CUEDC1: variants seen among roughly 807,000 people sequenced by gnomAD.
CUEDC1 encodes CUE domain containing 1, also known as CUE domain-containing protein 1.
Under a neutral mutation model 43.7 loss-of-function variants are expected in CUEDC1, and 30 were observed. That is an observed-to-expected ratio of 0.69 (90% CI 0.51 to 0.93). The LOEUF is 0.93. Ranked by LOEUF, CUEDC1 falls within the 40% of genes least tolerant of loss-of-function variation. The pLI, the probability that CUEDC1 is intolerant of heterozygous loss-of-function variation, is 0.00. For synonymous variants in CUEDC1, 223 were observed against 223.6 expected (o/e 1.00, Z 0.02); for missense variants, 486 against 549.0 (o/e 0.89, Z 1.15).
Position 57,885,170 on chromosome 17 carries a change from A to G in CUEDC1, c.336+59T>C. ...TTGGAATTACCCGGGCCGTGCCCCT[A>G]CCTCCGGGGGGATGCTGTCCTCCAG... On this transcript the variant is annotated intron_variant, in intron 2 of 10. Coordinates refer to ENST00000577830, the MANE Select transcript of CUEDC1 (RefSeq NM_001271875.2). 3 of 1,483,682 alleles carry G rather than the reference A, an allele frequency of 2.0e-6. No individual in the cohort carries two copies. The South Asian group carries it at 4.3e-5, about 21-fold the overall frequency. 91.9% of individuals were successfully genotyped at this position (1,483,682 alleles called of 1,614,324 possible).
intron 1 of CUEDC1, among the ~76,000 whole-genome samples, chr17:57,927,089 T>G (rs1037840500): frequency 2.0e-4 from 30 of 152,176 alleles, no homozygotes; most frequent in African/African-American, 7.0e-4. Flanking sequence ...TTAATGTAAT[T>G]AAGGGCTCAG....
In CUEDC1 at chr17:57,861,655, A is replaced by C. The variant is rs979817119; in HGVS notation, c.*1634T>G. On this transcript the variant is annotated 3_prime_UTR_variant, in exon 11 of 11. Transcript: ENST00000577830. ...TCCTATGAAACAGCTCCAAGAAAAA[A>C]CCCACACATAGGAGGAAAAAAAATA... The C allele has an allele frequency of 6.6e-6, 1 of 152,150 alleles. No homozygotes were observed. The highest frequency in any genetic ancestry group is 1.5e-5 in the Non-Finnish European group (1 of 68,112). The allele number at this position is 152,150 out of a possible 1,614,324, so 9.4% of individuals were successfully genotyped here. A position where few individuals can be genotyped will look rare whatever the true frequency, so the allele number is the denominator to read the frequency against.
intron 1 of CUEDC1, among the ~76,000 whole-genome samples, chr17:57,933,336 A>G (rs1340267501): frequency 1.3e-5 from 2 of 151,028 alleles, no homozygotes; most frequent in Non-Finnish European, 3.0e-5. Context: ...CGGTTCCTCC[A>G]TTAGACCAAA....
At chr17:57,912,950 T>A (rs2143067553) in intron 1 of CUEDC1, among the ~76,000 whole-genome samples, 1 of 152,140 alleles carries the variant, frequency 6.6e-6, no homozygotes, top group Admixed American at 6.5e-5. Flanking sequence ...TCAAAAGCGA[T>A]CCTCCCACCT....
chr17:57,940,834 G>T (rs2074910600), intron 1 of CUEDC1, among the ~76,000 whole-genome samples: 1 of 152,184 alleles, frequency 6.6e-6, no homozygotes. Flanking sequence ...ACCCTATCTG[G>T]TGACTCATAA....
At chr17:57,868,465 C>T in intron 7 of CUEDC1, 1 of 571,730 alleles carries the variant, frequency 1.7e-6, no homozygotes, top group Non-Finnish European at 3.1e-6. Flanking sequence ...CCTGCAGGGG[C>T]AGCACAGGAC....
chr17:57,880,308 G>A (rs749743547), intron 2 of CUEDC1, among the ~76,000 whole-genome samples: 1 of 152,288 alleles, frequency 6.6e-6, no homozygotes, highest in African/African-American at 2.4e-5. Context: ...ACAACCTGGC[G>A]CTGTAGGATA....
intron 1 of CUEDC1, among the ~76,000 whole-genome samples, chr17:57,903,929 C>T (rs1273618563): frequency 7.8e-6 from 1 of 127,768 alleles, no homozygotes; most frequent in African/African-American, 2.5e-5. Flanking sequence ...GAGAGAGAGA[C>T]CGTGTTTCAA....
intron 1 of CUEDC1, among the ~76,000 whole-genome samples, chr17:57,919,971 C>G (rs1288256572): frequency 1.3e-5 from 2 of 152,198 alleles, no homozygotes; most frequent in Non-Finnish European, 2.9e-5. Context: ...TTATCGAGCG[C>G]TCACTATGTG....
chr17:57,894,231 G>A (rs1311055005), intron 1 of CUEDC1, among the ~76,000 whole-genome samples: 1 of 152,116 alleles, frequency 6.6e-6, no homozygotes, highest in Non-Finnish European at 1.5e-5. Flanking sequence ...CGGCAGGGGT[G>A]AGGCTGGGGG....
At chr17:57,921,512 A>G (rs2074698039) in intron 1 of CUEDC1, among the ~76,000 whole-genome samples, 1 of 152,190 alleles carries the variant, frequency 6.6e-6, no homozygotes, top group South Asian at 2.1e-4. Flanking sequence ...CCTTATTCGA[A>G]CTTAGAAGTT....
chr17:57,909,977 GGTTTTGTTTT>G (rs368588325), intron 1 of CUEDC1, among the ~76,000 whole-genome samples: 6 of 152,134 alleles, frequency 3.9e-5, no homozygotes, highest in Non-Finnish European at 5.9e-5. Context: ...GTTTGGTTCT[GGTTTTGTTTT>G]GTTTTGTTTT....
At chr17:57,901,512 G>A (rs951698545) in intron 1 of CUEDC1, among the ~76,000 whole-genome samples, 4 of 152,174 alleles carry the variant, frequency 2.6e-5, no homozygotes, top group African/African-American at 7.2e-5. Context: ...AGCCCCAGCC[G>A]TGAGCCAACC....
chr17:57,885,659 T>C lies in CUEDC1; in HGVS notation c.-95A>G. 7.6e-7 allele frequency: 1 copy of C among 1,323,648 alleles called. No homozygotes were observed. Among genetic ancestry groups the C allele is most frequent in the Non-Finnish European group, 9.6e-7 (1 of 1,042,272 alleles). The allele number at this position is 1,323,648 out of a possible 1,614,324, so 82.0% of individuals were successfully genotyped here. A position where few individuals can be genotyped will look rare whatever the true frequency, so the allele number is the denominator to read the frequency against. ...TCAGCCGCTTACTTGCCCTGCGGTC[T>C]CGGGCAGCTCACTCCTGCGCCTCCT... On this transcript the variant is annotated 5_prime_UTR_variant, in exon 2 of 11. Coordinates refer to ENST00000577830, the MANE Select transcript of CUEDC1 (RefSeq NM_001271875.2).
chr17:57,935,406 A>AC (rs2074851488), intron 1 of CUEDC1, among the ~76,000 whole-genome samples: 5 of 77,008 alleles, frequency 6.5e-5, no homozygotes, highest in African/African-American at 1.6e-4. Flanking sequence ...CACACACACA[A>AC]ACACACACAC....
At chr17:57,906,943 C>T (rs1477018981) in intron 1 of CUEDC1, among the ~76,000 whole-genome samples, 1 of 149,682 alleles carries the variant, frequency 6.7e-6, no homozygotes, top group Non-Finnish European at 1.5e-5. Flanking sequence ...TGCACTCCAG[C>T]CTGGGCAACA....
chr17:57,874,695 C>T (rs1469580084), intron 3 of CUEDC1, among the ~76,000 whole-genome samples: 5 of 152,152 alleles, frequency 3.3e-5, no homozygotes, highest in African/African-American at 1.2e-4. Context: ...AGAAGGCAGC[C>T]GAGGGCCGGG....
At position 57,930,603 on chromosome 17, in the gene CUEDC1, C is replaced by T. The variant is rs2074794673; in HGVS notation, c.-316+24622G>A. Among the ~76,000 whole-genome samples, 1 of 152,240 alleles carries T rather than the reference C, an allele frequency of 6.6e-6. No individual in the cohort carries two copies. Among genetic ancestry groups the T allele is most frequent in the Non-Finnish European group, 1.5e-5 (1 of 68,032 alleles). ...GCCCACTTCTTTGGTTCTGCTCAAGCCAGACTGAAGCTGGGTCTCCAACAG... is the reference window on the plus strand; with the variant it reads ...GCCCACTTCTTTGGTTCTGCTCAAGTCAGACTGAAGCTGGGTCTCCAACAG... On this transcript the variant is annotated intron_variant, in intron 1 of 10. Transcript: ENST00000577830. This position sits in a 1 kb window ranked among gnomAD's most constrained non-coding sequence, Gnocchi z 4.2.
chr17:57,909,859 G>C (rs1259838657), intron 1 of CUEDC1, among the ~76,000 whole-genome samples: 5 of 152,248 alleles, frequency 3.3e-5, no homozygotes, highest in Non-Finnish European at 7.3e-5. Context: ...CTGAGGCGGG[G>C]TATGCATGTG....
Sources: gnomAD v4.1 joint callset for allele counts (sites outside exome capture counted in the v4.1 genomes callset) on GRCh38, gnomAD v4.1.1 for gene constraint, Gnocchi (gnomAD v3.1) non-coding constraint, MANE v1.5 for transcripts, NCBI Gene and HGNC (gene_info 2026-07-23, HGNC 2026-07-21) for gene names.